The following SACS variants were observed in gnomAD, a reference collection of about 807,000 sequenced individuals.
SACS encodes sacsin.
Under a neutral mutation model 348.0 loss-of-function variants are expected in SACS, and 197 were observed. The observed-to-expected ratio is 0.57, with a 90% confidence interval of 0.50 to 0.64. The LOEUF is 0.64. Among genes scored for constraint, SACS ranks in the 30% least tolerant of loss-of-function variants. The probability of loss-of-function intolerance (pLI) is 0.00; values close to 1 mark genes in which losing one functional copy is unlikely to be tolerated. For missense variants in SACS, 4,999 were observed against 5,360.8 expected, an observed-to-expected ratio of 0.93 and a Z score of 2.11; for synonymous variants, 1,985 against 1,910.6, an observed-to-expected ratio of 1.04 and a Z score of -1.02.
In SACS at chr13:23,335,635, A is replaced by T; in HGVS notation, c.8241T>A (p.Ile2747=). The change falls in exon 10 of 10, where the codon ATT becomes ATA. Residue 2747 remains isoleucine, a synonymous_variant. Coordinates refer to ENST00000382292, the MANE Select transcript of SACS (RefSeq NM_014363.6). The surrounding 1 kb of genome is among the most constrained non-coding windows in gnomAD (Gnocchi z 4.7). ...LLMFLNHMEK[I]SICEIDKSTG... Reference sequence around the variant, plus strand: ...TACTCTTATCTATTTCACAAATAGAAATTTTTTCCATGTGATTAAGAAACA... The same window carrying T: ...TACTCTTATCTATTTCACAAATAGATATTTTTTCCATGTGATTAAGAAACA... 6.2e-7 allele frequency: 1 copy of T among 1,613,954 alleles called. No homozygotes were observed. Among genetic ancestry groups the T allele is most frequent in the Non-Finnish European group, 8.5e-7 (1 of 1,179,894 alleles).
chr13:23,410,124 T>C (rs1257150727), intron 2 of SACS, among the ~76,000 whole-genome samples: 1 of 152,184 alleles, frequency 6.6e-6, no homozygotes, highest in African/African-American at 2.4e-5. Flanking sequence ...TTTAAAAAAA[T>C]GTACAGAAAT....
At chr13:23,393,350 G>A (rs1158482951) in intron 2 of SACS, among the ~76,000 whole-genome samples, 3 of 152,188 alleles carry the variant, frequency 2.0e-5, no homozygotes, top group African/African-American at 7.2e-5. Flanking sequence ...AGGACAGGTG[G>A]AATATGGCTA....
rs1044634026 is a variant in SACS, at chr13:23,369,598, G to A, written c.260-1111C>T. Among the ~76,000 whole-genome samples the A allele has an allele frequency of 6.6e-5, 10 of 150,884 alleles. No individual in the cohort carries two copies. The South Asian group carries it at 8.4e-4, about 13-fold the overall frequency. On this transcript the variant is annotated intron_variant, in intron 4 of 9. Transcript: ENST00000382292. ...CTCCTTCTATTGCTCAGGCTGGAGTGCAGTGGCGCAATCTCAGCTCACTGC... is the reference window on the plus strand; with the variant it reads ...CTCCTTCTATTGCTCAGGCTGGAGTACAGTGGCGCAATCTCAGCTCACTGC...
At position 23,334,514 on chromosome 13, in the gene SACS, AGAC is replaced by A. The variant is rs1388341388; in HGVS notation, c.9359_9361del (p.Arg3120del). 1.2e-6 allele frequency: 2 copies of A among 1,613,498 alleles called. No homozygotes were observed. The highest frequency in any genetic ancestry group is 2.2e-5 in the East Asian group (1 of 44,868). ...AAAAAGTTTTAGATTAGTCTGCTGCAGACGACAAGGCAGCTTCCCAATATGGCA... is the reference window on the plus strand; with the variant it reads ...AAAAAGTTTTAGATTAGTCTGCTGCAGACAAGGCAGCTTCCCAATATGGCA... On this transcript the variant is annotated inframe_deletion, in exon 10 of 10. Transcript: ENST00000382292.
rs777556535 is a variant in SACS at position 23,355,383 on chromosome 13, A to G, written c.1229T>C (p.Leu410Ser). The change falls in exon 8 of 10, where the codon TTA (leucine) becomes TCA (serine). Residue 410 changes from leucine to serine, a missense_variant. By Grantham distance (145) the Leu-to-Ser change is moderately radical (BLOSUM62 -2). This residue lies in a region of SACS where 3,156 missense variants were observed against 3,380.1 expected (regional missense o/e 0.93). Transcript: ENST00000382292. ...TGGGACAAATTTCAGTTCATCAGCT[A>G]AAGAGTCAAGCTTACTACTGATCCC... ...GRGISSKLDSLADELKFVPII... is the reference protein window; with the variant it reads ...GRGISSKLDSSADELKFVPII... 5.0e-6 allele frequency: 8 copies of G among 1,614,028 alleles called. No homozygotes were observed. Among genetic ancestry groups the G allele is most frequent in the Non-Finnish European group, 6.8e-6 (8 of 1,180,042 alleles).
Position 23,332,513 on chromosome 13 carries a change from C to G in SACS, c.11363G>C (p.Arg3788Pro). The G allele has an allele frequency of 6.2e-7, 1 of 1,613,958 alleles. No homozygotes were observed. Among genetic ancestry groups the G allele is most frequent in the East Asian group, 2.2e-5 (1 of 44,876 alleles). The change falls in exon 10 of 10, where the codon CGT (arginine) becomes CCT (proline). Residue 3788 changes from arginine (R) to proline (P), a missense_variant. Arg to Pro is a moderately radical substitution (Grantham distance 103, BLOSUM62 -2). Coordinates refer to ENST00000382292, the MANE Select transcript of SACS (RefSeq NM_014363.6). Reference sequence around the variant, plus strand: ...AAAAGCAACCCCTCGCAACTGAAAACGAAATTCCCTTTTTTCTGCACTGAG... The same window carrying G: ...AAAAGCAACCCCTCGCAACTGAAAAGGAAATTCCCTTTTTTCTGCACTGAG... The part of the protein sequence containing the change: ...EFLSAEKREF[R>P]FQLRGVAFVM...
In SACS at chr13:23,337,129, T is replaced by C. The variant is rs1214939657; in HGVS notation, c.6747A>G (p.Glu2249=). ...MFAATDLYTA[E]HQDIVCLLQP... The stretch of plus-strand genomic sequence containing the variant: ...GCAAAAGACAAACTATATCTTGATG[T>C]TCAGCTGTATAAAGGTCAGTTGCTG... Residue 2249 remains glutamate, a synonymous_variant, in exon 10 of 10, where the codon GAA becomes GAG. Transcript: ENST00000382292. 1.2e-6 allele frequency: 2 copies of C among 1,613,986 alleles called. No individual in the cohort carries two copies. Among genetic ancestry groups the C allele is most frequent in the African/African-American group, 1.3e-5 (1 of 75,040 alleles).
intron 2 of SACS, among the ~76,000 whole-genome samples, chr13:23,405,275 A>G (rs2137941720): frequency 6.6e-6 from 1 of 152,316 alleles, no homozygotes; most frequent in African/African-American, 2.4e-5. Context: ...CAACCATCTG[A>G]ACTTTGACAA....
intron 3 of SACS, among the ~76,000 whole-genome samples, chr13:23,372,650 C>A (rs546929471): frequency 9.1e-4 from 139 of 152,294 alleles, no homozygotes; most frequent in African/African-American, 3.2e-3. Flanking sequence ...TTCCTAGATG[C>A]TATGCTGCCT....
intron 1 of SACS, among the ~76,000 whole-genome samples, chr13:23,431,268 G>A (rs1165237957): frequency 6.6e-6 from 1 of 152,200 alleles, no homozygotes; most frequent in Admixed American, 6.5e-5. Context: ...GGCGTTAAAA[G>A]GCTTTCTAAT....
intron 1 of SACS, among the ~76,000 whole-genome samples, chr13:23,421,038 C>T (rs1446056212): frequency 6.6e-6 from 1 of 151,952 alleles, no homozygotes; most frequent in Non-Finnish European, 1.5e-5. Flanking sequence ...GCCTGGTGTC[C>T]ACCTAAAGTG....
Position 23,337,708 on chromosome 13 carries a change from A to G in SACS, c.6168T>C (p.Phe2056=). The change falls in exon 10 of 10, where the codon TTT becomes TTC. Residue 2056 remains phenylalanine, a synonymous_variant. Coordinates refer to ENST00000382292, the MANE Select transcript of SACS (RefSeq NM_014363.6). The part of the protein sequence containing the change: ...LLENTFSEKQ[F]FSEVFFPNIQ... ...TATTTGGAAAAAACACTTCAGAAAAAAACTGTTTCTCTGAAAATGTGTTTT... is the reference window on the plus strand; with the variant it reads ...TATTTGGAAAAAACACTTCAGAAAAGAACTGTTTCTCTGAAAATGTGTTTT... 6.2e-7 allele frequency: 1 copy of G among 1,613,080 alleles called. No homozygotes were observed. Among genetic ancestry groups the G allele is most frequent in the African/African-American group, 1.3e-5 (1 of 74,906 alleles).
chr13:23,376,846 G>A lies in SACS; in HGVS notation c.21-1577C>T, dbSNP rs534379199. Among the ~76,000 whole-genome samples, 73 of 152,322 alleles carry A rather than the reference G, an allele frequency of 4.8e-4. 1 individual carries two copies. Among genetic ancestry groups the A allele is most frequent in the African/African-American group, 1.7e-3 (72 of 41,572 alleles). On this transcript the variant is annotated intron_variant, in intron 2 of 9. Transcript: ENST00000382292. The stretch of plus-strand genomic sequence containing the variant: ...ACGGGTGGATTACTTGAGGTCAGGA[G>A]TTCGAGACCAGCCTGGCCAACATGG...
chr13:23,333,570 T>TA lies in SACS; in HGVS notation c.10305dup (p.Ile3436TyrfsTer5). On this transcript the variant is annotated frameshift_variant, in exon 10 of 10. Coordinates refer to ENST00000382292, the MANE Select transcript of SACS (RefSeq NM_014363.6). LOFTEE classifies it high-confidence loss of function. ...CATTTCTCCACTTCAGCTGAAGGGA[T>TA]ACTTTTTGTAAGTACGTAGCATGTT... 1 of 1,613,642 alleles carries TA rather than the reference T, an allele frequency of 6.2e-7. No homozygotes were observed. The highest frequency in any genetic ancestry group is 8.5e-7 in the Non-Finnish European group (1 of 1,179,658).
intron 1 of SACS, chr13:23,428,637 T>C (rs1874293436): frequency 6.6e-6 from 1 of 152,160 alleles, no homozygotes; most frequent in Admixed American, 6.5e-5. Flanking sequence ...TACTGATCTT[T>C]TGTGTGTGTG....
Position 23,332,193 on chromosome 13 carries a change from C to T in SACS, c.11683G>A (p.Val3895Met), listed in dbSNP as rs1883520207. The change falls in exon 10 of 10, where the codon GTG becomes ATG. Residue 3895 changes from valine to methionine, a missense_variant. Val to Met is a conservative substitution (Grantham distance 21). Transcript: ENST00000382292. Reference protein sequence around the residue: ...FRSLQNDSVKVRSDLENVRDL... With the variant: ...FRSLQNDSVKMRSDLENVRDL... ...CGTACATTCTCGAGATCACTCCTCA[C>T]CTTGACTGAATCATTCTGTAGACTC... 6.2e-7 allele frequency: 1 copy of T among 1,614,036 alleles called. No homozygotes were observed. The highest frequency in any genetic ancestry group is 1.1e-5 in the South Asian group (1 of 91,070).
chr13:23,382,011 T>C (rs17078676), intron 2 of SACS, among the ~76,000 whole-genome samples: 7,902 of 152,298 alleles, frequency 0.052, 719 homozygotes, highest in African/African-American at 0.18. Context: ...TGCTACAGTC[T>C]TCCTCATACA....
At chr13:23,379,988 C>T (rs767650397) in intron 2 of SACS, among the ~76,000 whole-genome samples, 7 of 152,052 alleles carry the variant, frequency 4.6e-5, no homozygotes, top group Non-Finnish European at 7.4e-5. Flanking sequence ...CAAGCACATT[C>T]CAGAGCTCAG....
At chr13:23,363,382 C>G (rs1870862252) in intron 6 of SACS, among the ~76,000 whole-genome samples, 1 of 151,900 alleles carries the variant, frequency 6.6e-6, no homozygotes, top group African/African-American at 2.4e-5. Flanking sequence ...TGCCCGCCAC[C>G]ACACCTGGCT....
Sources: gnomAD v4.1 joint callset for allele counts (sites outside exome capture counted in the v4.1 genomes callset) on GRCh38, gnomAD v4.1.1 for gene constraint, gnomAD v4.1.1 regional missense constraint, Gnocchi (gnomAD v3.1) non-coding constraint, MANE v1.5 for transcripts, NCBI Gene and HGNC (gene_info 2026-07-23, HGNC 2026-07-21) for gene names.